TGM6: variants seen among roughly 807,000 people sequenced by gnomAD.
The protein encoded by TGM6 is protein-glutamine gamma-glutamyltransferase 6.
In TGM6, 74 loss-of-function variants were observed where a neutral mutation model predicts 77.5. The observed-to-expected ratio is 0.96, with a 90% CI of 0.79 to 1.16. The LOEUF (loss-of-function observed/expected upper bound fraction) is 1.16, where lower values mean the gene tolerates loss of function less well. TGM6 is among the 50% of genes most tolerant of loss of function. TGM6 has a pLI of 0.00. For synonymous variants in TGM6, 383 were observed against 378.9 expected (o/e 1.01, Z -0.12); for missense variants, 968 against 940.2 (o/e 1.03, Z -0.39).
At chr20:2,384,657 C>T (rs995389266) in intron 1 of TGM6, among the ~76,000 whole-genome samples, 5 of 152,146 alleles carry the variant, frequency 3.3e-5, no homozygotes, top group African/African-American at 7.2e-5. Context: ...ACACAGCCAA[C>T]GAGGGGCAAA....
chr20:2,407,282 G>A (rs889226218), intron 9 of TGM6, among the ~76,000 whole-genome samples: 5 of 152,176 alleles, frequency 3.3e-5, no homozygotes, highest in Admixed American at 2.6e-4. Flanking sequence ...AAGCAAAATG[G>A]TAAGCAATGT....
At chr20:2,425,135 G>A (rs73073316) in intron 10 of TGM6, among the ~76,000 whole-genome samples, 354 of 152,134 alleles carry the variant, frequency 2.3e-3, no homozygotes, top group Non-Finnish European at 3.9e-3. Flanking sequence ...GAACCTAGGA[G>A]TTTGAGACCA....
rs140573750 is a variant in TGM6 at position 2,420,419 on chromosome 20, T to C, written c.1678+2846T>C. Among the ~76,000 whole-genome samples the C allele has an allele frequency of 1.9e-4, 29 of 152,328 alleles. No individual in the cohort carries two copies. In the East Asian group the frequency reaches 3.9e-3, roughly 20 times the overall value. ...CACCACCACGCCTCTCCTCCTGTTA[T>C]TAACATCTTGCTTTAGTGTGGTACA... On this transcript the variant is annotated intron_variant, in intron 10 of 12. Coordinates refer to ENST00000202625, the MANE Select transcript of TGM6 (RefSeq NM_198994.3).
At chr20:2,404,895 C>A (rs2084739331) in intron 9 of TGM6, among the ~76,000 whole-genome samples, 5 of 152,224 alleles carry the variant, frequency 3.3e-5, no homozygotes, top group Admixed American at 3.3e-4. Flanking sequence ...CTCACCTCAG[C>A]CTCCCAAAGT....
intron 9 of TGM6, among the ~76,000 whole-genome samples, chr20:2,408,997 A>G (rs192218747): frequency 7.9e-5 from 12 of 152,332 alleles, no homozygotes; most frequent in African/African-American, 2.9e-4. Flanking sequence ...ACGCCTATAG[A>G]AGACTCCACA....
intron 10 of TGM6, among the ~76,000 whole-genome samples, chr20:2,420,675 C>A (rs1599965755): frequency 6.6e-6 from 1 of 152,138 alleles, no homozygotes; most frequent in East Asian, 1.9e-4. Context: ...CCCCAGTGAC[C>A]ACTGATCTTT....
rs1405620202 is a variant in TGM6 at position 2,397,941 on chromosome 20, C to G, written c.567C>G (p.Ile189Met). Reference sequence around the variant, plus strand: ...AGTTTGAGGAGGACATCCTGAACATCTGCCTCTCCATCCTGGATCGAAGCC... The same window carrying G: ...AGTTTGAGGAGGACATCCTGAACATGTGCCTCTCCATCCTGGATCGAAGCC... ...YGQFEEDILN[I>M]CLSILDRSPG... The change falls in exon 5 of 13, where the codon ATC (isoleucine) becomes ATG (methionine). Residue 189 changes from isoleucine (I) to methionine (M), a missense_variant. Transcript: ENST00000202625. 1.9e-6 allele frequency: 3 copies of G among 1,614,050 alleles called. No individual in the cohort carries two copies. In the East Asian group the frequency reaches 6.7e-5, roughly 36 times the overall value.
At chr20:2,429,580 C>T (rs1300187619) in intron 10 of TGM6, among the ~76,000 whole-genome samples, 1 of 151,722 alleles carries the variant, frequency 6.6e-6, no homozygotes, top group Non-Finnish European at 1.5e-5. Flanking sequence ...ACCATCCTGG[C>T]GAACATGGTG....
intron 1 of TGM6, among the ~76,000 whole-genome samples, chr20:2,391,505 T>G (rs1599945632): frequency 4.9e-5 from 7 of 143,552 alleles, no homozygotes; most frequent in South Asian, 2.4e-4. Flanking sequence ...TGTGAGGGGG[T>G]GGGGGGTGAG....
intron 1 of TGM6, among the ~76,000 whole-genome samples, chr20:2,382,922 C>T (rs1304450414): frequency 1.3e-5 from 2 of 152,134 alleles, no homozygotes; most frequent in Admixed American, 6.6e-5. Context: ...GACCCTTTTG[C>T]CATGATTAAA....
chr20:2,384,394 G>T (rs1217080981), intron 1 of TGM6, among the ~76,000 whole-genome samples: 1 of 152,152 alleles, frequency 6.6e-6, no homozygotes, highest in Non-Finnish European at 1.5e-5. Flanking sequence ...CTCAGATCCA[G>T]GGCCACACAG....
intron 1 of TGM6, among the ~76,000 whole-genome samples, chr20:2,387,289 C>A (rs997676684): frequency 1.3e-5 from 2 of 152,208 alleles, no homozygotes; most frequent in African/African-American, 2.4e-5. Context: ...CCTAGAATGA[C>A]TGGGGCTAAC....
chr20:2,404,923 G>A (rs751017726), intron 9 of TGM6, among the ~76,000 whole-genome samples: 2 of 152,212 alleles, frequency 1.3e-5, no homozygotes, highest in African/African-American at 2.4e-5. Context: ...TTACAGGCAT[G>A]AGCCACTGCA....
At chr20:2,395,854 A>G (rs922973578) in intron 3 of TGM6, among the ~76,000 whole-genome samples, 1 of 152,206 alleles carries the variant, frequency 6.6e-6, no homozygotes, top group African/African-American at 2.4e-5. Flanking sequence ...AGGCCTTAGT[A>G]AGGGGTGGCC....
At chr20:2,381,025 G>A (rs754552301) in intron 1 of TGM6, 50 bp downstream of exon 1, 30 of 1,603,956 alleles carry the variant, frequency 1.9e-5, no homozygotes, top group Non-Finnish European at 2.3e-5. Flanking sequence ...CATGAGGGGG[G>A]CTTCAAGAAA....
chr20:2,394,720 C>A (rs2084651095), intron 2 of TGM6, 95 bp downstream of exon 2: 7 of 1,380,142 alleles, frequency 5.1e-6, no homozygotes, highest in Admixed American at 2.0e-5. Flanking sequence ...GCAGCTCAGG[C>A]TCTGGGGGAA....
chr20:2,412,509 T>C (rs1203115065), intron 9 of TGM6, among the ~76,000 whole-genome samples: 2 of 137,250 alleles, frequency 1.5e-5, no homozygotes, highest in African/African-American at 3.3e-5. Context: ...TTTATCACAA[T>C]TTTTAAAATA....
chr20:2,418,448 C>A (rs772317209), intron 10 of TGM6, among the ~76,000 whole-genome samples: 1 of 152,180 alleles, frequency 6.6e-6, no homozygotes, highest in African/African-American at 2.4e-5. Flanking sequence ...GGTGAAGTCA[C>A]GAGTTCAGAG....
At chr20:2,419,395 CT>C (rs1568668405) in intron 10 of TGM6, among the ~76,000 whole-genome samples, 1 of 152,108 alleles carries the variant, frequency 6.6e-6, no homozygotes, top group Non-Finnish European at 1.5e-5. Context: ...ACTTTTTTAG[CT>C]TTTTTTGTCA....
Sources: allele counts gnomAD v4.1 joint callset (sites outside exome capture counted in the v4.1 genomes callset), GRCh38; gene constraint gnomAD v4.1.1; transcripts MANE v1.5; gene names NCBI Gene and HGNC (gene_info 2026-07-23, HGNC 2026-07-21).